Variants in DOP1A observed in about 807,000 individuals in gnomAD.
The protein encoded by DOP1A is DOP1 leucine zipper like protein A.
In DOP1A, 90 loss-of-function variants were observed where a neutral mutation model predicts 267.6. That is an observed-to-expected ratio of 0.34 (90% confidence interval 0.28 to 0.40). The LOEUF (loss-of-function observed/expected upper bound fraction) is 0.40. Among genes scored for constraint, DOP1A ranks in the 10% least tolerant of loss-of-function variants. DOP1A has a pLI of 1.00. For synonymous variants in DOP1A, 932 were observed against 999.1 expected (o/e 0.93, Z 1.27); for missense variants, 2,437 against 2,900.4 (o/e 0.84, Z 3.67).
intron 4 of DOP1A, among the ~76,000 whole-genome samples, chr6:83,103,728 GACTTA>G (rs1026198337): frequency 6.6e-6 from 1 of 151,892 alleles, no homozygotes. Context: ...TTTTCTTAAC[GACTTA>G]ACTTTTCTTT....
At chr6:83,147,609 TCTTA>T (rs1199087234) in intron 26 of DOP1A, among the ~76,000 whole-genome samples, 1 of 152,236 alleles carries the variant, frequency 6.6e-6, no homozygotes, top group African/African-American at 2.4e-5. Flanking sequence ...TGAAATATCT[TCTTA>T]CTATCATATT....
chr6:83,129,467 G>A lies in DOP1A; in HGVS notation c.2300G>A (p.Gly767Glu), dbSNP rs2128236779. ...CSSFPVYIAE[G>E]NHTSELRSEK... ...AGTTTCCCAGTTTACATTGCTGAGG[G>A]GAACCATACATCAGAGTTACGTTCT... The change falls in exon 16 of 39, where the codon GGG (glycine) becomes GAG (glutamate). Residue 767 changes from glycine (G) to glutamate (E), a missense_variant. Gly to Glu is a moderately conservative substitution (Grantham distance 98). This residue lies in a region of DOP1A where 11 missense variants were observed against 30.0 expected (regional missense o/e 0.37). Transcript: ENST00000349129. The A allele has an allele frequency of 6.4e-7, 1 of 1,565,564 alleles. No individual in the cohort carries two copies. The highest frequency in any genetic ancestry group is 2.2e-5 in the East Asian group (1 of 44,726).
intron 1 of DOP1A, among the ~76,000 whole-genome samples, chr6:83,086,233 T>C (rs1382169035): frequency 6.6e-6 from 1 of 152,236 alleles, no homozygotes; most frequent in Non-Finnish European, 1.5e-5. Flanking sequence ...AAATGGTTGA[T>C]TAACACATTT....
intron 1 of DOP1A, among the ~76,000 whole-genome samples, chr6:83,093,277 A>G (rs1187510969): frequency 6.6e-6 from 1 of 152,082 alleles, no homozygotes; most frequent in Non-Finnish European, 1.5e-5. Flanking sequence ...TAAGGTGACT[A>G]CTCTCTCCAA....
intron 12 of DOP1A, 122 bp downstream of exon 12, chr6:83,123,104 C>T (rs1171272317): frequency 3.7e-6 from 4 of 1,086,338 alleles, no homozygotes; most frequent in South Asian, 1.7e-5. Flanking sequence ...ATAACTGTTA[C>T]TTACTATCCA....
At chr6:83,167,130 T>A (rs1177407368) in intron 38 of DOP1A, 1 of 945,102 alleles carries the variant, frequency 1.1e-6, no homozygotes, top group Non-Finnish European at 1.3e-6. Flanking sequence ...ACCTTCTCAT[T>A]TGACTTCTCT....
intron 38 of DOP1A, chr6:83,165,005 C>G (rs1345855399): frequency 6.4e-6 from 2 of 313,398 alleles, no homozygotes; most frequent in Non-Finnish European, 1.2e-5. Context: ...CTTAAAGGCT[C>G]ATCTTGATAG....
intron 1 of DOP1A, among the ~76,000 whole-genome samples, chr6:83,068,537 T>C (rs1785081050): frequency 6.6e-6 from 1 of 152,128 alleles, no homozygotes; most frequent in African/African-American, 2.4e-5. Flanking sequence ...ATTGGGAAAA[T>C]GACTTCGACT....
At position 83,168,406 on chromosome 6, in the gene DOP1A, T is replaced by G. The variant is rs559420973; in HGVS notation, c.*239T>G. On this transcript the variant is annotated 3_prime_UTR_variant, in exon 39 of 39. Coordinates refer to ENST00000349129, the MANE Select transcript of DOP1A (RefSeq NM_015018.4). Reference sequence around the variant, plus strand: ...GAGCTATATATATACACATGTAAAGTCCATTGTTTTTATTGTCCTGAGTTG... The same window carrying G: ...GAGCTATATATATACACATGTAAAGGCCATTGTTTTTATTGTCCTGAGTTG... 81 of 1,224,006 alleles carry G rather than the reference T, an allele frequency of 6.6e-5. No homozygotes were observed. The highest frequency in any genetic ancestry group is 7.8e-5 in the Non-Finnish European group (77 of 981,122). The allele number at this position is 1,224,006 out of a possible 1,614,324, so 75.8% of individuals were successfully genotyped here.
chr6:83,068,828 G>T (rs970352199), intron 1 of DOP1A, among the ~76,000 whole-genome samples: 2 of 152,192 alleles, frequency 1.3e-5, no homozygotes, highest in African/African-American at 4.8e-5. Flanking sequence ...TTAAAACCAC[G>T]AGTAGTCTAA....
rs1779179626 is a variant in DOP1A, at chr6:83,138,621, G to A, written c.4579G>A (p.Val1527Met). The change falls in exon 21 of 39, where the codon GTG becomes ATG. Residue 1527 changes from valine (V) to methionine (M), a missense_variant. By Grantham distance (21) the Val-to-Met change is conservative (BLOSUM62 1). Transcript: ENST00000349129. ...DMLSKCKVQK[V>M]ILHCLLSSIF... ...GTTATCTAAGTGCAAAGTTCAGAAA[G>A]TGATTCTTCATTGTTTGCTGTCATC... is the stretch of plus-strand genomic sequence containing the variant. 1.2e-6 allele frequency: 2 copies of A among 1,613,742 alleles called. No homozygotes were observed. The highest frequency in any genetic ancestry group is 1.7e-5 in the Admixed American group (1 of 59,968).
At chr6:83,165,128 A>G (rs1220513039) in intron 38 of DOP1A, 1 of 157,160 alleles carries the variant, frequency 6.4e-6, no homozygotes, top group Admixed American at 6.2e-5. Context: ...TACGCCCTTT[A>G]TTGTTGAATT....
intron 4 of DOP1A, among the ~76,000 whole-genome samples, chr6:83,104,806 T>C (rs773939480): frequency 2.0e-4 from 31 of 152,158 alleles, no homozygotes; most frequent in Non-Finnish European, 2.9e-4. Flanking sequence ...GTCTCCTCTT[T>C]CACTCTTGAT....
chr6:83,131,366 G>A (rs1777996659), intron 17 of DOP1A, among the ~76,000 whole-genome samples: 1 of 151,954 alleles, frequency 6.6e-6, no homozygotes. Context: ...GAAGATTATT[G>A]CATTATTATT....
chr6:83,145,606 T>G lies in DOP1A; in HGVS notation c.5624T>G (p.Ile1875Ser), dbSNP rs755741171. The G allele has an allele frequency of 6.2e-7, 1 of 1,613,488 alleles. No homozygotes were observed. Among genetic ancestry groups the G allele is most frequent in the Admixed American group, 1.7e-5 (1 of 59,958 alleles). The part of the protein sequence containing the change: ...SISVMRAETV[I>S]QTVKEVLKQP... ...AGTGTCATGAGAGCAGAAACTGTTA[T>G]CCAGACTGTAAAAGAAGTTTTAAAG... is the stretch of plus-strand genomic sequence containing the variant. The change falls in exon 25 of 39, where the codon ATC becomes AGC. Residue 1875 changes from isoleucine to serine, a missense_variant. Coordinates refer to ENST00000349129, the MANE Select transcript of DOP1A (RefSeq NM_015018.4).
chr6:83,147,035 A>C (rs1420062999), intron 25 of DOP1A, among the ~76,000 whole-genome samples: 1 of 152,184 alleles, frequency 6.6e-6, no homozygotes, highest in Non-Finnish European at 1.5e-5. Context: ...ATCTGTTTTC[A>C]ACTTTTAAAA....
chr6:83,164,064 A>G (rs1784855340), intron 38 of DOP1A, among the ~76,000 whole-genome samples: 1 of 149,028 alleles, frequency 6.7e-6, no homozygotes, highest in Non-Finnish European at 1.5e-5. Context: ...ATCAAATTGT[A>G]CAATTTGGGA....
At chr6:83,128,588 C>T (rs2128235168) in intron 15 of DOP1A, among the ~76,000 whole-genome samples, 1 of 152,198 alleles carries the variant, frequency 6.6e-6, no homozygotes, top group Middle Eastern at 3.4e-3. Flanking sequence ...ATTGTTTAGA[C>T]ATTAGGAAAG....
At position 83,162,642 on chromosome 6, in the gene DOP1A, C is replaced by A. The variant is rs886801103; in HGVS notation, c.6963-148C>A. 4.0e-5 allele frequency: 31 copies of A among 784,112 alleles called. No individual in the cohort carries two copies. In the Admixed American group the frequency reaches 5.8e-4, roughly 15 times the overall value. The allele number at this position is 784,112 out of a possible 1,614,324, so 48.6% of individuals were successfully genotyped here. ...AGGCTCAGAGAGGTTAAGAAACATA[C>A]CCAAAGTGACAAGGCTACGAGTGGC... is the stretch of plus-strand genomic sequence containing the variant. On this transcript the variant is annotated intron_variant, in intron 37 of 38. Coordinates refer to ENST00000349129, the MANE Select transcript of DOP1A (RefSeq NM_015018.4).
Sources: allele counts gnomAD v4.1 joint callset (sites outside exome capture counted in the v4.1 genomes callset), GRCh38; gene constraint gnomAD v4.1.1; regional missense constraint gnomAD v4.1.1; transcripts MANE v1.5; gene names NCBI Gene and HGNC (gene_info 2026-07-23, HGNC 2026-07-21).